Variants in VDAC1 observed in about 807,000 individuals in gnomAD.
VDAC1 encodes non-selective voltage-gated ion channel VDAC1.
In VDAC1, 10 loss-of-function variants were observed where a neutral mutation model predicts 34.7. The observed-to-expected ratio is 0.29, with a 90% CI of 0.18 to 0.49. VDAC1 has a LOEUF of 0.49. VDAC1 is among the 20% of genes least tolerant of loss of function. The probability of loss-of-function intolerance (pLI) is 0.99; values close to 1 mark genes in which losing one functional copy is unlikely to be tolerated. For synonymous variants in VDAC1, 130 were observed against 136.0 expected, an observed-to-expected ratio of 0.96 and a Z score of 0.30; for missense variants, 230 against 347.9, an observed-to-expected ratio of 0.66 and a Z score of 2.69.
intron 1 of VDAC1, among the ~76,000 whole-genome samples, chr5:134,002,645 A>G (rs550559643): frequency 3.9e-5 from 6 of 152,188 alleles, no homozygotes; most frequent in Non-Finnish European, 7.3e-5. Flanking sequence ...GCTGTTTTCC[A>G]CAAGTGAGAT....
At chr5:134,098,437 C>T in the VDAC1 span, among the ~76,000 whole-genome samples, 1 of 152,080 alleles carries the variant, frequency 6.6e-6, no homozygotes, top group Non-Finnish European at 1.5e-5. Context: ...ATTGGCCAGG[C>T]TTGTCTCAAA....
chr5:134,034,530 G>A, the VDAC1 span, among the ~76,000 whole-genome samples: 2 of 152,320 alleles, frequency 1.3e-5, no homozygotes, highest in South Asian at 2.1e-4. Flanking sequence ...GCCACGCGCC[G>A]GACGCTAGGA....
chr5:134,078,239 G>A, the VDAC1 span, among the ~76,000 whole-genome samples: 2 of 152,180 alleles, frequency 1.3e-5, no homozygotes, highest in Non-Finnish European at 2.9e-5. Context: ...GGAGGTGCAT[G>A]CAAAACTGAG....
chr5:134,003,880 T>C (rs1753653172), intron 1 of VDAC1, among the ~76,000 whole-genome samples: 1 of 152,178 alleles, frequency 6.6e-6, no homozygotes, highest in Non-Finnish European at 1.5e-5. Flanking sequence ...TAATCCAAAG[T>C]CAGGCTCCGA....
the VDAC1 span, among the ~76,000 whole-genome samples, chr5:134,054,641 TG>T: frequency 1.3e-5 from 2 of 151,984 alleles, no homozygotes; most frequent in Non-Finnish European, 1.5e-5. Flanking sequence ...TTTGTATTTT[TG>T]TACAGACAGG....
intron 5 of VDAC1, among the ~76,000 whole-genome samples, chr5:133,986,121 A>T (rs1332754360): frequency 6.6e-6 from 1 of 152,212 alleles, no homozygotes; most frequent in Admixed American, 6.5e-5. Context: ...CAGTAGTGCT[A>T]ATTTGACAAG....
At chr5:134,066,958 C>A in the VDAC1 span, among the ~76,000 whole-genome samples, 16 of 152,188 alleles carry the variant, frequency 1.1e-4, no homozygotes, top group Admixed American at 3.9e-4. Flanking sequence ...GAACAGATAT[C>A]TAGGGTTAAG....
At chr5:133,972,947 T>C (rs956764100) in intron 8 of VDAC1, 85 bp from the exon 9 acceptor site, 14 of 1,175,246 alleles carry the variant, frequency 1.2e-5, no homozygotes, top group Admixed American at 1.9e-5. Flanking sequence ...ATTCAGAACC[T>C]GTTCCAGGTA....
the VDAC1 span, among the ~76,000 whole-genome samples, chr5:134,064,890 T>G: frequency 6.6e-6 from 1 of 151,914 alleles, no homozygotes; most frequent in Non-Finnish European, 1.5e-5. Flanking sequence ...AGCTATTTTT[T>G]TGTATTTTTA....
At chr5:134,067,838 T>C in the VDAC1 span, among the ~76,000 whole-genome samples, 1 of 152,114 alleles carries the variant, frequency 6.6e-6, no homozygotes, top group African/African-American at 2.4e-5. Context: ...TTCACTTCAG[T>C]TGGGCATGAT....
At chr5:134,056,154 T>C in the VDAC1 span, among the ~76,000 whole-genome samples, 1 of 150,348 alleles carries the variant, frequency 6.7e-6, no homozygotes, top group Admixed American at 6.7e-5. Context: ...GGCAGGTGAA[T>C]TGCTTGAACC....
At chr5:133,998,818 C>T (rs1318410769) in intron 1 of VDAC1, among the ~76,000 whole-genome samples, 2 of 152,162 alleles carry the variant, frequency 1.3e-5, no homozygotes, top group Non-Finnish European at 2.9e-5. Context: ...CAAGAATCAC[C>T]GGAGGCGCTT....
chr5:133,976,765 C>T (rs572540971), intron 6 of VDAC1, among the ~76,000 whole-genome samples: 3 of 152,128 alleles, frequency 2.0e-5, no homozygotes, highest in South Asian at 2.1e-4. Flanking sequence ...CATGGAAGTC[C>T]GGGTGCAGTG....
the VDAC1 span, among the ~76,000 whole-genome samples, chr5:134,066,242 T>A: frequency 8.5e-5 from 13 of 152,174 alleles, no homozygotes; most frequent in African/African-American, 2.9e-4. Context: ...GACCTTGCGA[T>A]CCACCCACCT....
upstream of VDAC1, among the ~76,000 whole-genome samples, chr5:134,005,960 A>T (rs1013961305): frequency 6.6e-6 from 1 of 152,216 alleles, no homozygotes; most frequent in African/African-American, 2.4e-5. Context: ...GCAGTGGGCA[A>T]CTGGGGCTAC....
At chr5:134,070,492 A>T in the VDAC1 span, among the ~76,000 whole-genome samples, 740 of 152,292 alleles carry the variant, frequency 4.9e-3, 2 homozygotes, top group Middle Eastern at 0.017. Flanking sequence ...ATACATGATT[A>T]TGGCGTAGAG....
chr5:134,047,247 G>A, the VDAC1 span, among the ~76,000 whole-genome samples: 8 of 152,300 alleles, frequency 5.3e-5, no homozygotes, highest in Admixed American at 5.2e-4. Flanking sequence ...TGCTGGGGGA[G>A]GGCAGGAACC....
chr5:133,994,452 A>G (rs952722541), intron 1 of VDAC1, among the ~76,000 whole-genome samples: 12 of 152,164 alleles, frequency 7.9e-5, no homozygotes, highest in African/African-American at 2.7e-4. Flanking sequence ...GGCTGAAACC[A>G]TGGACAGGTC....
chr5:134,004,879 C>G lies in VDAC1; in HGVS notation c.-7+16G>C, dbSNP rs987200111. 3.3e-5 allele frequency: 5 copies of G among 151,888 alleles called. No homozygotes were observed. The South Asian group carries it at 1.0e-3, about 31-fold the overall frequency. 9.4% of individuals were successfully genotyped at this position (151,888 alleles called of 1,614,324 possible). Reference sequence around the variant, plus strand: ...CGGGCCAGGGTCCCCATCCCGCTAGCGAGCCGCGTTCTTACCCTTCCGGGC... The same window carrying G: ...CGGGCCAGGGTCCCCATCCCGCTAGGGAGCCGCGTTCTTACCCTTCCGGGC... On this transcript the variant is annotated intron_variant, in intron 1 of 8. Coordinates refer to ENST00000265333, the MANE Select transcript of VDAC1 (RefSeq NM_003374.3).
Sources: allele counts gnomAD v4.1 joint callset (sites outside exome capture counted in the v4.1 genomes callset), GRCh38; gene constraint gnomAD v4.1.1; transcripts MANE v1.5; gene names NCBI Gene and HGNC (gene_info 2026-07-23, HGNC 2026-07-21).